TMEM237: variants seen among roughly 807,000 people sequenced by gnomAD.
The protein encoded by TMEM237 is amyotrophic lateral sclerosis 2 (juvenile) chromosome region, candidate 4.
A neutral mutation model predicts 59.1 loss-of-function variants in TMEM237; 51 were observed. That is an observed-to-expected ratio of 0.86 (90% CI 0.69 to 1.09). The LOEUF is 1.09. Among genes scored for constraint, TMEM237 ranks in the 50% least tolerant of loss-of-function variants. The pLI, the probability that TMEM237 is intolerant of heterozygous loss-of-function variation, is 0.00. For synonymous variants in TMEM237, 140 were observed against 166.1 expected, an observed-to-expected ratio of 0.84 and a Z score of 1.21; for missense variants, 475 against 478.3, an observed-to-expected ratio of 0.99 and a Z score of 0.06.
At chr2:201,642,735 T>A (rs1687452964) in intron 1 of TMEM237, 2 of 1,506,124 alleles carry the variant, frequency 1.3e-6, no homozygotes, top group African/African-American at 1.4e-5. Flanking sequence ...CCGCGCCGCC[T>A]GGCTAGTACC....
rs1017467003 is a variant in TMEM237, at chr2:201,622,278, A to G, written c.*1977T>C. The stretch of plus-strand genomic sequence containing the variant: ...ATATATAGCTTTCTATTGCTGCCAT[A>G]AGCAATCACCACCAATTTAGCAGCT... On this transcript the variant is annotated 3_prime_UTR_variant, in exon 13 of 13. Coordinates refer to ENST00000409883, the MANE Select transcript of TMEM237 (RefSeq NM_001044385.3). The G allele has an allele frequency of 3.3e-5, 5 of 152,324 alleles. No individual in the cohort carries two copies. Among genetic ancestry groups the G allele is most frequent in the African/African-American group, 1.2e-4 (5 of 41,578 alleles). 9.4% of individuals were successfully genotyped at this position (152,324 alleles called of 1,614,324 possible).
At chr2:201,642,675 C>T (rs1687450463) in intron 1 of TMEM237, 2 of 1,605,032 alleles carry the variant, frequency 1.2e-6, no homozygotes, top group Non-Finnish European at 1.7e-6. Context: ...GCACCTGGCG[C>T]CCCACCCCTC....
chr2:201,629,395 A>G lies in TMEM237; in HGVS notation c.704T>C (p.Phe235Ser). The change falls in exon 9 of 13, where the codon TTC (phenylalanine) becomes TCC (serine). Residue 235 changes from phenylalanine (F) to serine (S), a missense_variant. By Grantham distance (155) the Phe-to-Ser change is radical (BLOSUM62 -2). Coordinates refer to ENST00000409883, the MANE Select transcript of TMEM237 (RefSeq NM_001044385.3). Reference protein sequence around the residue: ...FRMIGLFSHGFLAGCAVWNIV... With the variant: ...FRMIGLFSHGSLAGCAVWNIV... ...ATTCCACACAGCACAGCCAGCCAAG[A>G]ATCCATGAGAAAAGAGACCAATCAT... is the stretch of plus-strand genomic sequence containing the variant. 1 of 1,580,348 alleles carries G rather than the reference A, an allele frequency of 6.3e-7. No individual in the cohort carries two copies. Among genetic ancestry groups the G allele is most frequent in the Non-Finnish European group, 8.5e-7 (1 of 1,169,756 alleles).
In TMEM237 at chr2:201,621,130, T is replaced by A. The variant is rs898567191; in HGVS notation, c.*3125A>T. 2.6e-5 allele frequency: 4 copies of A among 152,196 alleles called. No individual in the cohort carries two copies. The highest frequency in any genetic ancestry group is 7.2e-5 in the African/African-American group (3 of 41,448). The allele number at this position is 152,196 out of a possible 1,614,324, so 9.4% of individuals were successfully genotyped here. ...GCATCACAGATGAAGTCATATTTTT[T>A]TAAAAAATCTAATCAAACCACCAGA... On this transcript the variant is annotated 3_prime_UTR_variant, in exon 13 of 13. Transcript: ENST00000409883.
chr2:201,632,158 T>C lies in TMEM237; in HGVS notation c.446A>G (p.Asp149Gly). The change falls in exon 7 of 13, where the codon GAT becomes GGT. Residue 149 changes from aspartate (D) to glycine (G), a missense_variant. Asp to Gly is a moderately conservative substitution (Grantham distance 94). Coordinates refer to ENST00000409883, the MANE Select transcript of TMEM237 (RefSeq NM_001044385.3). ...TTGCTCATCAGTGATTATGTCTTCA[T>C]CTTCTACTCCTAGCTCATTGGCATA... ...LQYANELGVE[D>G]EDIITDEQTT... is the part of the protein sequence containing the mutation. 1 of 1,613,966 alleles carries C rather than the reference T, an allele frequency of 6.2e-7. No individual in the cohort carries two copies. Among genetic ancestry groups the C allele is most frequent in the Non-Finnish European group, 8.5e-7 (1 of 1,179,838 alleles).
Position 201,621,810 on chromosome 2 carries a change from T to C in TMEM237, c.*2445A>G, listed in dbSNP as rs908751904. 2 of 152,658 alleles carry C rather than the reference T, an allele frequency of 1.3e-5. No homozygotes were observed. The highest frequency in any genetic ancestry group is 4.8e-5 in the African/African-American group (2 of 41,470). 9.5% of individuals were successfully genotyped at this position (152,658 alleles called of 1,614,324 possible). ...ACCAATTGGACTGGATCAGCTTGCATGTCAATCTAGTCCACTGTAAGCTGG... is the reference window on the plus strand; with the variant it reads ...ACCAATTGGACTGGATCAGCTTGCACGTCAATCTAGTCCACTGTAAGCTGG... On this transcript the variant is annotated 3_prime_UTR_variant, in exon 13 of 13. Coordinates refer to ENST00000409883, the MANE Select transcript of TMEM237 (RefSeq NM_001044385.3).
chr2:201,626,222 T>C, intron 11 of TMEM237, 75 bp from the exon 12 acceptor site: 1 of 1,503,100 alleles, frequency 6.7e-7, no homozygotes, highest in South Asian at 1.3e-5. Context: ...TTTTATGAAC[T>C]TTAAGAAAAA....
At chr2:201,640,836 T>G in intron 2 of TMEM237, 57 bp downstream of exon 2, 1 of 1,413,064 alleles carries the variant, frequency 7.1e-7, no homozygotes, top group East Asian at 2.4e-5. Flanking sequence ...ATTTTTCCAC[T>G]GTCTTCATTT....
At position 201,636,847 on chromosome 2, in the gene TMEM237, G is replaced by A. The variant is rs902145121; in HGVS notation, c.175C>T (p.Arg59Ter). Residue 59 changes from arginine (R) to a stop codon, truncating the protein, a stop_gained, in exon 5 of 13, where the codon CGA becomes TGA. Transcript: ENST00000409883. LOFTEE classifies it high-confidence loss of function. ...GGCTCATTGCCCTCAGAGGGCCTTC[G>A]ACCAGCAGTCTGAGCAAGGCCTTCC... is the stretch of plus-strand genomic sequence containing the variant. ...SLEGLAQTAGRRPSEGNEPST... is the reference protein window; with the variant it reads ...SLEGLAQTAG 7 of 1,607,372 alleles carry A rather than the reference G, an allele frequency of 4.4e-6. No homozygotes were observed. The highest frequency in any genetic ancestry group is 2.2e-5 in the South Asian group (2 of 89,400).
At chr2:201,639,404 T>C (rs540166545) in intron 3 of TMEM237, among the ~76,000 whole-genome samples, 2 of 152,332 alleles carry the variant, frequency 1.3e-5, no homozygotes, top group African/African-American at 2.4e-5. Flanking sequence ...GAGCCAAACG[T>C]TGAAAGAGCC....
At chr2:201,636,654 T>C in intron 5 of TMEM237, 94 bp downstream of exon 5, 1 of 1,405,588 alleles carries the variant, frequency 7.1e-7, no homozygotes, top group Non-Finnish European at 9.5e-7. Flanking sequence ...CTGTGGGATA[T>C]GGATAGGGGG....
In TMEM237 at chr2:201,628,168, T is replaced by G. The variant is rs573597324; in HGVS notation, c.870-19A>C. 4 of 1,557,716 alleles carry G rather than the reference T, an allele frequency of 2.6e-6. No individual in the cohort carries two copies. Among genetic ancestry groups the G allele is most frequent in the Non-Finnish European group, 3.5e-6 (4 of 1,139,686 alleles). On this transcript the variant is annotated intron_variant, in intron 9 of 12. Transcript: ENST00000409883. ...GTCAATCCTAGAAAATATAAAAGTT[T>G]CTTGTCACAGCGCAGTTGTAAACTT...
chr2:201,631,399 T>A (rs773955177), intron 7 of TMEM237: 4 of 152,224 alleles, frequency 2.6e-5, no homozygotes, highest in Non-Finnish European at 5.9e-5. Flanking sequence ...TGAGCTAAAA[T>A]ACACTGCAAA....
At position 201,624,316 on chromosome 2, in the gene TMEM237, A is replaced by AT; in HGVS notation, c.1165dup (p.Met389AsnfsTer11). ...ATATTCTTCCACCTCTGAGGAGAAC[A>AT]TTAACTCTGGAGAAGAAAATGAACA... On this transcript the variant is annotated frameshift_variant, in exon 13 of 13. Transcript: ENST00000409883. LOFTEE classifies it high-confidence loss of function. 6.2e-7 allele frequency: 1 copy of AT among 1,610,774 alleles called. No individual in the cohort carries two copies. The highest frequency in any genetic ancestry group is 8.5e-7 in the Non-Finnish European group (1 of 1,178,186).
rs1231764416 is a variant in TMEM237, at chr2:201,623,255, A to AT, written c.*999dup. ...TGATGTGCTCAACAGCCTTTGAAAC[A>AT]TTTTTTCCCATAGCTAGTCTTCTCC... On this transcript the variant is annotated 3_prime_UTR_variant, in exon 13 of 13. Coordinates refer to ENST00000409883, the MANE Select transcript of TMEM237 (RefSeq NM_001044385.3). The AT allele has an allele frequency of 2.1e-5, 9 of 428,800 alleles. No homozygotes were observed. The highest frequency in any genetic ancestry group is 3.4e-5 in the South Asian group (2 of 58,880). 26.6% of individuals were successfully genotyped at this position (428,800 alleles called of 1,614,324 possible).
intron 3 of TMEM237, 154 bp from the exon 4 acceptor site, chr2:201,639,199 G>A: frequency 1.5e-6 from 1 of 670,950 alleles, no homozygotes; most frequent in Admixed American, 2.8e-5. Flanking sequence ...AAGAAATTGA[G>A]AAGATCAGAG....
chr2:201,631,897 T>C (rs1033168386), intron 7 of TMEM237, among the ~76,000 whole-genome samples, 154 bp downstream of exon 7: 11 of 152,260 alleles, frequency 7.2e-5, no homozygotes, highest in African/African-American at 2.2e-4. Flanking sequence ...TTCCAGTTTT[T>C]CACTCTCATG....
chr2:201,634,948 T>C, intron 5 of TMEM237: 1 of 396,836 alleles, frequency 2.5e-6, no homozygotes, highest in South Asian at 2.0e-5. Flanking sequence ...AGGGCTGATG[T>C]TAATAGGAGA....
chr2:201,620,574 AAT>A lies in TMEM237; in HGVS notation c.*3679_*3680del, dbSNP rs1957691213. The A allele has an allele frequency of 6.6e-6, 1 of 152,196 alleles. No homozygotes were observed. The highest frequency in any genetic ancestry group is 2.1e-4 in the South Asian group (1 of 4,836). The allele number at this position is 152,196 out of a possible 1,614,324, so 9.4% of individuals were successfully genotyped here. ...GGAAGACAACGGTTTTTAAAGCAAA[AAT>A]GATTGTTTTGAGAGAATTATCCTTG... On this transcript the variant is annotated 3_prime_UTR_variant, in exon 13 of 13. Coordinates refer to ENST00000409883, the MANE Select transcript of TMEM237 (RefSeq NM_001044385.3).
Sources: allele counts gnomAD v4.1 joint callset (sites outside exome capture counted in the v4.1 genomes callset), GRCh38; gene constraint gnomAD v4.1.1; transcripts MANE v1.5; gene names NCBI Gene and HGNC (gene_info 2026-07-23, HGNC 2026-07-21).